PTK2: variants seen among roughly 807,000 people sequenced by gnomAD.
PTK2 encodes the protein focal adhesion kinase 1.
Under a neutral mutation model 150.1 loss-of-function variants are expected in PTK2, and 45 were observed. The ratio of observed to expected loss-of-function variants is 0.30; its 90% CI spans 0.24 to 0.38. The LOEUF is 0.38. Among genes scored for constraint, PTK2 ranks in the 10% least tolerant of loss-of-function variants. The pLI is 1.00. For synonymous variants in PTK2, 432 were observed against 449.2 expected (o/e 0.96, Z 0.48); for missense variants, 919 against 1,307.3 (o/e 0.70, Z 4.58).
intron 27 of PTK2, among the ~76,000 whole-genome samples, chr8:140,680,631 C>T (rs774126414): frequency 1.3e-5 from 2 of 152,158 alleles, no homozygotes; most frequent in Non-Finnish European, 2.9e-5. Flanking sequence ...CTATTAGCAA[C>T]GTTCTAAATA....
At chr8:140,945,429 T>G (rs2100177353) in intron 1 of PTK2, among the ~76,000 whole-genome samples, 1 of 151,952 alleles carries the variant, frequency 6.6e-6, no homozygotes, top group Non-Finnish European at 1.5e-5. Flanking sequence ...CACAAAAAAT[T>G]TTAAAAATTA....
chr8:140,774,181 T>C (rs975138233), intron 14 of PTK2, among the ~76,000 whole-genome samples: 3 of 152,212 alleles, frequency 2.0e-5, no homozygotes, highest in African/African-American at 7.2e-5. Context: ...ACTTGTTCTC[T>C]TTGGCTTTTG....
At chr8:140,736,075 T>C (rs1264710005) in intron 21 of PTK2, among the ~76,000 whole-genome samples, 38 of 152,246 alleles carry the variant, frequency 2.5e-4, no homozygotes, top group South Asian at 2.1e-4. Context: ...TTACTTGCAC[T>C]CTACCCTTGG....
chr8:140,759,928 A>C (rs1446175605), intron 16 of PTK2, among the ~76,000 whole-genome samples: 1 of 151,936 alleles, frequency 6.6e-6, no homozygotes, highest in Non-Finnish European at 1.5e-5. Context: ...AGAGAACTAA[A>C]AACATAAATC....
chr8:140,836,200 A>G (rs2100118566), intron 7 of PTK2, among the ~76,000 whole-genome samples: 1 of 152,216 alleles, frequency 6.6e-6, no homozygotes, highest in Admixed American at 6.5e-5. Context: ...ACATTCCACA[A>G]GAACTTAACT....
intron 12 of PTK2, among the ~76,000 whole-genome samples, chr8:140,797,731 T>TATGCAGACTGTGGTGGA (rs2100092585): frequency 1.3e-5 from 2 of 152,214 alleles, no homozygotes; most frequent in South Asian, 4.1e-4. Context: ...GGGCCAAGGT[T>TATGCAGACTGTGGTGGA]ATGCAGACTG....
intron 27 of PTK2, among the ~76,000 whole-genome samples, chr8:140,680,285 T>G (rs1335567720): frequency 6.6e-6 from 1 of 152,198 alleles, no homozygotes; most frequent in Non-Finnish European, 1.5e-5. Context: ...TGGAGTCCAA[T>G]GGCACAATCT....
chr8:140,668,570 A>G, intron 29 of PTK2, 146 bp from the exon 34 acceptor site: 4 of 879,664 alleles, frequency 4.5e-6, no homozygotes, highest in Non-Finnish European at 6.7e-6. Flanking sequence ...TATAGTTCAG[A>G]TTGAGAATGA....
chr8:140,849,572 T>C (rs1354162461), intron 5 of PTK2, among the ~76,000 whole-genome samples: 8 of 152,210 alleles, frequency 5.3e-5, no homozygotes. Context: ...AATATCTCAT[T>C]TAATCATCAG....
rs61261890 is a variant in PTK2, at chr8:140,902,924, GTTTTTT to G, written c.-32-12161_-32-12156del. ...TTGCCTGTTCACTCTGATGAGAGTT[GTTTTTT>G]TTTTTTTTTTTTTTTTTTTTTTTTT... is the stretch of plus-strand genomic sequence containing the variant. On this transcript the variant is annotated intron_variant, in intron 2 of 31. Coordinates refer to ENST00000522684, the Ensembl canonical transcript of PTK2. Among the ~76,000 whole-genome samples the G allele has an allele frequency of 2.4e-3, 143 of 58,870 alleles. 1 individual carries two copies. Among genetic ancestry groups the G allele is most frequent in the African/African-American group, 3.8e-3 (78 of 20,518 alleles). The allele number at this position is 58,870 out of a possible 152,430, so 38.6% of individuals were successfully genotyped here. A position where few individuals can be genotyped will look rare whatever the true frequency, so the allele number is the denominator to read the frequency against.
At chr8:140,826,680 C>T (rs974178593) in intron 8 of PTK2, among the ~76,000 whole-genome samples, 2 of 152,052 alleles carry the variant, frequency 1.3e-5, no homozygotes, top group East Asian at 1.9e-4. Context: ...CTTTGGGAGG[C>T]GGAGGCGGGT....
intron 2 of PTK2, among the ~76,000 whole-genome samples, chr8:140,904,015 T>C (rs1461399272): frequency 6.6e-6 from 1 of 152,190 alleles, no homozygotes; most frequent in African/African-American, 2.4e-5. Context: ...CTGACTGCCC[T>C]GGCCAGAACT....
intron 10 of PTK2, among the ~76,000 whole-genome samples, chr8:140,812,478 A>C (rs967664283): frequency 2.0e-5 from 3 of 152,230 alleles, no homozygotes; most frequent in African/African-American, 7.2e-5. Flanking sequence ...GCAAACACAC[A>C]AACAAGTTTG....
At chr8:140,662,260 G>A (rs575714680) in intron 31 of PTK2, among the ~76,000 whole-genome samples, 2 of 151,816 alleles carry the variant, frequency 1.3e-5, no homozygotes, top group East Asian at 3.9e-4. Context: ...TGGAGTCACT[G>A]CATTCCAGCC....
intron 17 of PTK2, among the ~76,000 whole-genome samples, chr8:140,748,979 G>C: frequency 6.6e-6 from 1 of 152,142 alleles, no homozygotes; most frequent in East Asian, 1.9e-4. Context: ...TTAAAAATAC[G>C]ATCAACATGT....
chr8:140,902,362 C>T (rs1040035066), intron 2 of PTK2, among the ~76,000 whole-genome samples: 2 of 152,024 alleles, frequency 1.3e-5, no homozygotes, highest in Non-Finnish European at 2.9e-5. Flanking sequence ...CAGTCTATCA[C>T]TGATGGACAT....
At chr8:140,981,287 A>G (rs1289583771) in intron 1 of PTK2, among the ~76,000 whole-genome samples, 1 of 152,074 alleles carries the variant, frequency 6.6e-6, no homozygotes, top group African/African-American at 2.4e-5. Flanking sequence ...AAGGGCTTGA[A>G]AAGAAATGAA....
At chr8:140,932,218 ATTTCTTTTT>A (rs1451012207) in intron 1 of PTK2, among the ~76,000 whole-genome samples, 3 of 152,128 alleles carry the variant, frequency 2.0e-5, no homozygotes, top group South Asian at 2.1e-4. Flanking sequence ...GATATTTAAC[ATTTCTTTTT>A]TTTCTTTTTT....
intron 26 of PTK2, among the ~76,000 whole-genome samples, chr8:140,693,003 A>C (rs1377981068): frequency 6.6e-6 from 1 of 152,262 alleles, no homozygotes; most frequent in African/African-American, 2.4e-5. Flanking sequence ...TTTCTCATTT[A>C]AAATTAAAAT....
Sources: gnomAD v4.1 joint callset for allele counts (sites outside exome capture counted in the v4.1 genomes callset) on GRCh38, gnomAD v4.1.1 for gene constraint, MANE v1.5 for transcripts, NCBI Gene and HGNC (gene_info 2026-07-23, HGNC 2026-07-21) for gene names.